Variants in YIF1B observed in about 807,000 individuals in gnomAD.
YIF1B encodes the protein protein YIF1B.
YIF1B carries 24 observed loss-of-function variants against 34.6 expected under a neutral mutation model. The observed-to-expected ratio is 0.69, with a 90% CI of 0.50 to 0.98. The LOEUF (loss-of-function observed/expected upper bound fraction) is 0.98. YIF1B is among the 50% of genes least tolerant of loss of function. The pLI is 0.00. For synonymous variants in YIF1B, 186 were observed against 184.8 expected (o/e 1.01, Z -0.05); for missense variants, 368 against 429.4 (o/e 0.86, Z 1.26).
intron 1 of YIF1B, 162 bp downstream of exon 1, chr19:38,315,698 C>A (rs774151248): frequency 1.9e-6 from 3 of 1,607,020 alleles, no homozygotes; most frequent in East Asian, 4.5e-5. Flanking sequence ...AAAGAATCGC[C>A]CCCCAAGGGG....
Position 38,304,418 on chromosome 19 carries a change from C to G in YIF1B, c.*934G>C. The G allele has an allele frequency of 1.3e-6, 2 of 1,562,662 alleles. No individual in the cohort carries two copies. The highest frequency in any genetic ancestry group is 1.2e-5 in the South Asian group (1 of 85,390). ...AGAAGCCCGGTGTGGGGGCGGGCCACGGGGGAGATCCCAAGCTCAGTCCCC... is the reference window on the plus strand; with the variant it reads ...AGAAGCCCGGTGTGGGGGCGGGCCAGGGGGGAGATCCCAAGCTCAGTCCCC... On this transcript the variant is annotated 3_prime_UTR_variant, in exon 8 of 8. Coordinates refer to ENST00000339413, the MANE Select transcript of YIF1B (RefSeq NM_001039672.3).
chr19:38,318,193 C>CAAAAAAAAAAAAA (rs35748833), upstream of YIF1B, among the ~76,000 whole-genome samples: 4 of 29,900 alleles, frequency 1.3e-4, no homozygotes, highest in Non-Finnish European at 1.8e-4. Flanking sequence ...ACTCTTGTCT[C>CAAAAAAAAAAAAA]AAAAAAAAAA....
chr19:38,305,142 G>C lies in YIF1B; in HGVS notation c.*210C>G, dbSNP rs1968945884. 7.1e-7 allele frequency: 1 copy of C among 1,413,682 alleles called. No individual in the cohort carries two copies. Among genetic ancestry groups the C allele is most frequent in the Non-Finnish European group, 9.4e-7 (1 of 1,064,362 alleles). The allele number at this position is 1,413,682 out of a possible 1,614,324, so 87.6% of individuals were successfully genotyped here. A position where few individuals can be genotyped will look rare whatever the true frequency, so the allele number is the denominator to read the frequency against. On this transcript the variant is annotated 3_prime_UTR_variant, in exon 8 of 8. Transcript: ENST00000339413. ...ATGCCCATCAGGGTTTATTGTTTCT[G>C]TAACAGCGGCCACGCCCTGGGGCGG...
intron 7 of YIF1B, chr19:38,306,633 T>G (rs960740688): frequency 2.8e-5 from 7 of 246,334 alleles, no homozygotes; most frequent in Middle Eastern, 1.6e-3. Context: ...CACCTTGAGG[T>G]GCAAGTATCA....
Position 38,315,725 on chromosome 19 carries a change from G to C in YIF1B, c.58+135C>G, listed in dbSNP as rs554796081. On this transcript the variant is annotated intron_variant, in intron 1 of 7. Transcript: ENST00000339413. ...CCCAAGGGGCCTCCTACCCGAACCT[G>C]GCATCCCAGCGCTGTGCACACCTCA... 5.6e-6 allele frequency: 9 copies of C among 1,609,700 alleles called. No homozygotes were observed. In the Admixed American group the frequency reaches 1.3e-4, roughly 24 times the overall value.
Position 38,304,458 on chromosome 19 carries a change from C to T in YIF1B, c.*894G>A, listed in dbSNP as rs1968894481. On this transcript the variant is annotated 3_prime_UTR_variant, in exon 8 of 8. Coordinates refer to ENST00000339413, the MANE Select transcript of YIF1B (RefSeq NM_001039672.3). ...GCTCAGTCCCCACAAAGTTCAGGGC[C>T]GGTCGGAGGCAGGGGCAGGTCCGGG... is the stretch of plus-strand genomic sequence containing the variant. The T allele has an allele frequency of 9.0e-6, 14 of 1,555,850 alleles. No homozygotes were observed. Among genetic ancestry groups the T allele is most frequent in the Non-Finnish European group, 1.1e-5 (13 of 1,150,326 alleles).
Position 38,304,150 on chromosome 19 carries a change from T to C in YIF1B, c.*1202A>G. On this transcript the variant is annotated 3_prime_UTR_variant, in exon 8 of 8. Coordinates refer to ENST00000339413, the MANE Select transcript of YIF1B (RefSeq NM_001039672.3). ...GCTGAGGACCAGGACAGAGGTTGGG[T>C]GGGGCGTCTCAGCATTCCTCCAACG... is the stretch of plus-strand genomic sequence containing the variant. The C allele has an allele frequency of 7.6e-7, 1 of 1,320,170 alleles. No homozygotes were observed. Among genetic ancestry groups the C allele is most frequent in the Admixed American group, 2.0e-5 (1 of 50,748 alleles). The allele number at this position is 1,320,170 out of a possible 1,614,324, so 81.8% of individuals were successfully genotyped here.
At chr19:38,312,949 A>ACTT (rs35568615) in intron 1 of YIF1B, among the ~76,000 whole-genome samples, 4 of 148,200 alleles carry the variant, frequency 2.7e-5, no homozygotes, top group Non-Finnish European at 6.0e-5. Flanking sequence ...TCTTTCCCCT[A>ACTT]CTTCTTCTTC....
chr19:38,306,962 T>C, intron 7 of YIF1B: 1 of 471,672 alleles, frequency 2.1e-6, no homozygotes, highest in Middle Eastern at 3.3e-4. Flanking sequence ...ATTACAAGCA[T>C]GAGCCACCGC....
chr19:38,320,041 C>T (rs1450134087), upstream of YIF1B: 1 of 1,501,436 alleles, frequency 6.7e-7, no homozygotes, highest in African/African-American at 1.5e-5. Context: ...GCTGGAGGGG[C>T]CGCACGAAGC....
At chr19:38,310,594 G>A (rs1238226760) in intron 1 of YIF1B, among the ~76,000 whole-genome samples, 5 of 152,082 alleles carry the variant, frequency 3.3e-5, no homozygotes, top group African/African-American at 1.2e-4. Flanking sequence ...ATGTGCGAGA[G>A]GAAGGGGGGG....
At chr19:38,320,363 C>T (rs1969637008), upstream of YIF1B, 1 of 1,355,270 alleles carries the variant, frequency 7.4e-7, no homozygotes, top group Non-Finnish European at 1.0e-6. Flanking sequence ...CACGAATACC[C>T]TTATCCCAAT....
chr19:38,307,898 TCCCATCCAGAGAGGATGGCAGA>T, intron 5 of YIF1B, 146 bp from the exon 6 acceptor site: 1 of 1,156,306 alleles, frequency 8.6e-7, no homozygotes, highest in Non-Finnish European at 1.2e-6. Context: ...CCCACGGAAA[TCCCATCCAGAGAGGATGGCAGA>T]CCCATCCCTA....
At chr19:38,306,971 G>A (rs1471519976) in intron 7 of YIF1B, 16 of 471,808 alleles carry the variant, frequency 3.4e-5, no homozygotes, top group South Asian at 4.6e-5. Context: ...ATGAGCCACC[G>A]CGCCCGGCAA....
chr19:38,304,759 CGGG>C lies in YIF1B; in HGVS notation c.*590_*592del. The C allele has an allele frequency of 6.2e-7, 1 of 1,611,308 alleles. No individual in the cohort carries two copies. ...AGAGGCGTCCCCGCACTGGGGCTGG[CGGG>C]GAGGGTGCGGGGAGTGGTCCCCCTG... On this transcript the variant is annotated 3_prime_UTR_variant, in exon 8 of 8. Coordinates refer to ENST00000339413, the MANE Select transcript of YIF1B (RefSeq NM_001039672.3).
chr19:38,305,259 G>A lies in YIF1B; in HGVS notation c.*93C>T, dbSNP rs917636428. 2.6e-6 allele frequency: 4 copies of A among 1,510,476 alleles called. No individual in the cohort carries two copies. Among genetic ancestry groups the A allele is most frequent in the Non-Finnish European group, 3.5e-6 (4 of 1,128,222 alleles). The allele number at this position is 1,510,476 out of a possible 1,614,324, so 93.6% of individuals were successfully genotyped here. A position where few individuals can be genotyped will look rare whatever the true frequency, so the allele number is the denominator to read the frequency against. On this transcript the variant is annotated 3_prime_UTR_variant, in exon 8 of 8. Transcript: ENST00000339413. The stretch of plus-strand genomic sequence containing the variant: ...GGAGGCGGTGCCTGTGGCCAGACAG[G>A]GTGGACCTTGGGGCCTGCAGGCAGG...
chr19:38,304,195 C>A lies in YIF1B; in HGVS notation c.*1157G>T, dbSNP rs1278954671. ...CCAACGGGCAGGTCTCAGCGCTCCT[C>A]CCCCTGCTCCGCTCCTCTGCAGGGC... On this transcript the variant is annotated 3_prime_UTR_variant, in exon 8 of 8. Transcript: ENST00000339413. The A allele has an allele frequency of 5.7e-6, 9 of 1,590,502 alleles. No homozygotes were observed. The highest frequency in any genetic ancestry group is 2.2e-5 in the East Asian group (1 of 44,690).
At chr19:38,315,746 C>T (rs2145029234) in intron 1 of YIF1B, 114 bp downstream of exon 1, 1 of 1,608,496 alleles carries the variant, frequency 6.2e-7, no homozygotes, top group African/African-American at 1.3e-5. Flanking sequence ...GCTGTGCACA[C>T]CTCAGGGTTC....
chr19:38,304,280 G>A lies in YIF1B; in HGVS notation c.*1072C>T. ...TACCGCCATGGAGTTCGACCTGGGA[G>A]CAGGTGAGCTCCTGGGGAGTGTGGA... On this transcript the variant is annotated 3_prime_UTR_variant, in exon 8 of 8. Transcript: ENST00000339413. 6.2e-7 allele frequency: 1 copy of A among 1,613,770 alleles called. No homozygotes were observed. The highest frequency in any genetic ancestry group is 1.1e-5 in the South Asian group (1 of 91,072).
Sources: allele counts gnomAD v4.1 joint callset (sites outside exome capture counted in the v4.1 genomes callset), GRCh38; gene constraint gnomAD v4.1.1; transcripts MANE v1.5; gene names NCBI Gene and HGNC (gene_info 2026-07-23, HGNC 2026-07-21).